The following EPB41L2 variants were observed in gnomAD, a reference collection of about 807,000 sequenced individuals.
EPB41L2 encodes band 4.1-like protein 2.
In EPB41L2, 43 loss-of-function variants were observed where a neutral mutation model predicts 113.0. The ratio of observed to expected loss-of-function variants is 0.38; its 90% CI spans 0.30 to 0.49. The LOEUF (loss-of-function observed/expected upper bound fraction) is 0.49. Among genes scored for constraint, EPB41L2 ranks in the 20% least tolerant of loss-of-function variants. EPB41L2 has a pLI of 0.95. For missense variants in EPB41L2, 1,147 were observed against 1,223.4 expected (o/e 0.94, Z 0.93); for synonymous variants, 442 against 436.7 (o/e 1.01, Z -0.15).
chr6:131,054,413 A>C (rs1413416472), intron 1 of EPB41L2, among the ~76,000 whole-genome samples: 1 of 152,072 alleles, frequency 6.6e-6, no homozygotes, highest in East Asian at 1.9e-4. Context: ...AGTATTTGCT[A>C]GTCTTTATCT....
chr6:130,870,183 C>T lies in EPB41L2; in HGVS notation c.2044-57G>A, dbSNP rs144458864. 1.1e-4 allele frequency: 175 copies of T among 1,556,640 alleles called. 2 individuals are homozygous for T. In the African/African-American group the frequency reaches 1.6e-3, roughly 14 times the overall value. On this transcript the variant is annotated intron_variant, in intron 14 of 19. Transcript: ENST00000337057. Reference sequence around the variant, plus strand: ...AAAATATATGAATAAATAAAAACAACGGAAACCCAAATTAACCGATGGCAG... The same window carrying T: ...AAAATATATGAATAAATAAAAACAATGGAAACCCAAATTAACCGATGGCAG...
chr6:130,904,465 C>G lies in EPB41L2; in HGVS notation c.929G>C (p.Arg310Thr). 1 of 1,575,976 alleles carries G rather than the reference C, an allele frequency of 6.3e-7. No homozygotes were observed. Among genetic ancestry groups the G allele is most frequent in the Non-Finnish European group, 8.7e-7 (1 of 1,153,646 alleles). Residue 310 changes from arginine (R) to threonine (T), a missense_variant and splice_region_variant, in exon 6 of 20, where the codon AGA (arginine) becomes ACA (threonine). By Grantham distance (71) the Arg-to-Thr change is moderately conservative (BLOSUM62 -1). Transcript: ENST00000337057. ...ATTTAAAAATGCAAATATAAAGTACCTGGTGATATCTTCAGTCAATTGAGA... is the reference window on the plus strand; with the variant it reads ...ATTTAAAAATGCAAATATAAAGTACGTGGTGATATCTTCAGTCAATTGAGA... ...DPSQLTEDIT[R>T]YFLCLQLRQD...
intron 1 of EPB41L2, among the ~76,000 whole-genome samples, chr6:131,062,870 G>A (rs1223322529): frequency 6.6e-6 from 1 of 152,020 alleles, no homozygotes; most frequent in Non-Finnish European, 1.5e-5. Flanking sequence ...GCGGGGAGCA[G>A]CGAAGCCGGG....
chr6:130,851,631 T>C (rs552822350), intron 19 of EPB41L2, among the ~76,000 whole-genome samples: 1 of 152,324 alleles, frequency 6.6e-6, no homozygotes, highest in Non-Finnish European at 1.5e-5. Context: ...CAACTTAATA[T>C]GTTTTCATGT....
At chr6:131,002,657 T>C (rs1407255475) in intron 1 of EPB41L2, among the ~76,000 whole-genome samples, 4 of 152,240 alleles carry the variant, frequency 2.6e-5, no homozygotes, top group Admixed American at 2.0e-4. Context: ...TTATTAGTTT[T>C]AATATGGTGG....
chr6:131,034,830 C>A (rs577643887), intron 1 of EPB41L2, among the ~76,000 whole-genome samples: 11 of 152,292 alleles, frequency 7.2e-5, no homozygotes, highest in African/African-American at 2.6e-4. Flanking sequence ...ATTAAGCTGG[C>A]ACAATATCCT....
At chr6:131,046,243 A>G (rs775719754) in intron 1 of EPB41L2, among the ~76,000 whole-genome samples, 7 of 152,014 alleles carry the variant, frequency 4.6e-5, no homozygotes, top group Non-Finnish European at 8.8e-5. Context: ...AAGAAAGGAC[A>G]CTTTAAATCA....
Position 130,868,135 on chromosome 6 carries a change from C to G in EPB41L2, c.2608-554G>C, listed in dbSNP as rs17059726. On this transcript the variant is annotated intron_variant, in intron 15 of 19. Transcript: ENST00000337057. ...TTGTGTGAAGGCTCACTGCCTTTAA[C>G]TGGCATGCCAGCTAGGTAGGCTAAG... 0.02 allele frequency: 3,118 copies of G among 155,572 alleles called. 200 individuals are homozygous for G. The East Asian group carries it at 0.26, about 13-fold the overall frequency. 9.6% of individuals were successfully genotyped at this position (155,572 alleles called of 1,614,324 possible). A position where few individuals can be genotyped will look rare whatever the true frequency, so the allele number is the denominator to read the frequency against.
intron 4 of EPB41L2, among the ~76,000 whole-genome samples, chr6:130,921,125 T>C (rs1314609775): frequency 6.6e-6 from 1 of 152,094 alleles, no homozygotes; most frequent in Non-Finnish European, 1.5e-5. Context: ...TCTTCACTCC[T>C]AGTACCACTG....
intron 18 of EPB41L2, among the ~76,000 whole-genome samples, chr6:130,861,527 A>AC (rs1782046840): frequency 6.6e-6 from 1 of 152,110 alleles, no homozygotes; most frequent in Non-Finnish European, 1.5e-5. Flanking sequence ...GAGAAAGTGA[A>AC]CCCCCAACAG....
At chr6:130,986,577 G>C (rs1420005078) in intron 1 of EPB41L2, among the ~76,000 whole-genome samples, 1 of 151,358 alleles carries the variant, frequency 6.6e-6, no homozygotes, top group African/African-American at 2.4e-5. Flanking sequence ...AAGAGGTATA[G>C]GATTTTTTTC....
At chr6:130,889,831 G>C (rs1370604538) in intron 11 of EPB41L2, among the ~76,000 whole-genome samples, 1 of 152,110 alleles carries the variant, frequency 6.6e-6, no homozygotes, top group Non-Finnish European at 1.5e-5. Context: ...TGACAATACA[G>C]GTTGAGTATC....
intron 1 of EPB41L2, among the ~76,000 whole-genome samples, chr6:131,004,832 G>A (rs1785109766): frequency 6.6e-6 from 1 of 152,084 alleles, no homozygotes; most frequent in Non-Finnish European, 1.5e-5. Flanking sequence ...CTTTTTAGTA[G>A]CCACCGAATG....
intron 18 of EPB41L2, among the ~76,000 whole-genome samples, chr6:130,861,132 G>GC (rs1436085357): frequency 1.3e-5 from 2 of 151,738 alleles, no homozygotes; most frequent in African/African-American, 4.8e-5. Context: ...GAGTGCAGTG[G>GC]CGCCATCTCC....
chr6:130,911,728 T>C (rs943265353), intron 4 of EPB41L2, among the ~76,000 whole-genome samples: 50 of 152,286 alleles, frequency 3.3e-4, no homozygotes, highest in African/African-American at 1.2e-3. Flanking sequence ...AAAAGTCCAA[T>C]AAAAAATTTA....
chr6:130,993,349 C>T (rs973218574), intron 1 of EPB41L2, among the ~76,000 whole-genome samples: 3 of 152,008 alleles, frequency 2.0e-5, no homozygotes, highest in Non-Finnish European at 4.4e-5. Flanking sequence ...TCTAGGAAAC[C>T]CAACATATAT....
At chr6:130,870,372 G>C in intron 14 of EPB41L2, 1 of 1,550,558 alleles carries the variant, frequency 6.4e-7, no homozygotes, top group South Asian at 1.2e-5. Context: ...TCTGACTCGG[G>C]AGCACGTGTC....
rs2183968 is a variant in EPB41L2 at position 131,034,011 on chromosome 6, G to A, written c.-15+29144C>T. 0.02 allele frequency among the ~76,000 whole-genome samples: 3,094 copies of A among 152,046 alleles called. 206 individuals are homozygous for A. In the East Asian group the frequency reaches 0.27, roughly 13 times the overall value. ...ACCACAATAAAAAATGAAACTGAAG[G>A]GCTAAATCTATCATCACCAACAATT... On this transcript the variant is annotated intron_variant, in intron 1 of 19. Transcript: ENST00000337057.
At chr6:131,020,298 AT>A (rs1789163031) in intron 1 of EPB41L2, among the ~76,000 whole-genome samples, 1 of 152,030 alleles carries the variant, frequency 6.6e-6, no homozygotes, top group Non-Finnish European at 1.5e-5. Context: ...TACATAAATT[AT>A]TGGTGTTTTT....
Sources: allele counts gnomAD v4.1 joint callset (sites outside exome capture counted in the v4.1 genomes callset), GRCh38; gene constraint gnomAD v4.1.1; transcripts MANE v1.5; gene names NCBI Gene and HGNC (gene_info 2026-07-23, HGNC 2026-07-21).